DPP6: variants seen among roughly 807,000 people sequenced by gnomAD.
DPP6 encodes the protein dipeptidyl peptidase like 6, also known as A-type potassium channel modulatory protein DPP6.
DPP6 carries 69 observed loss-of-function variants against 122.6 expected under a neutral mutation model. The ratio of observed to expected loss-of-function variants is 0.56; its 90% CI spans 0.46 to 0.69. The LOEUF is 0.69. Ranked by LOEUF, DPP6 falls within the 30% of genes least tolerant of loss-of-function variation. The probability of loss-of-function intolerance (pLI) is 0.00; values close to 1 mark genes in which losing one functional copy is unlikely to be tolerated. For missense variants in DPP6, 928 were observed against 1,116.9 expected, an observed-to-expected ratio of 0.83 and a Z score of 2.41; for synonymous variants, 418 against 433.1, an observed-to-expected ratio of 0.97 and a Z score of 0.43.
At chr7:154,472,199 C>T (rs950514581) in intron 2 of DPP6, among the ~76,000 whole-genome samples, 6 of 152,280 alleles carry the variant, frequency 3.9e-5, no homozygotes, top group Middle Eastern at 3.4e-3. Flanking sequence ...GACTGTTAAG[C>T]AGAATTTTTA....
chr7:154,172,001 G>T (rs1300471907), intron 1 of DPP6, among the ~76,000 whole-genome samples: 1 of 152,170 alleles, frequency 6.6e-6, no homozygotes, highest in African/African-American at 2.4e-5. Context: ...ACACTGGGAT[G>T]CAGAGAGGTG....
chr7:154,237,274 C>CACAA (rs1391306872), intron 1 of DPP6, among the ~76,000 whole-genome samples: 2 of 152,166 alleles, frequency 1.3e-5, no homozygotes, highest in Non-Finnish European at 2.9e-5. Context: ...CAGGTGATGA[C>CACAA]ACAAACAAGT....
intron 3 of DPP6, among the ~76,000 whole-genome samples, chr7:154,494,705 G>A (rs374117669): frequency 1.1e-4 from 17 of 152,164 alleles, no homozygotes; most frequent in African/African-American, 3.1e-4. Context: ...GAGAAAAGAC[G>A]CTGAGTACTT....
chr7:154,256,426 A>T (rs1334590436), intron 1 of DPP6, among the ~76,000 whole-genome samples: 3 of 152,226 alleles, frequency 2.0e-5, no homozygotes, highest in Non-Finnish European at 4.4e-5. Flanking sequence ...GGACGCCGTC[A>T]CGGAAAACGA....
intron 1 of DPP6, among the ~76,000 whole-genome samples, chr7:154,326,831 A>AT (rs1480982059): frequency 1.3e-5 from 2 of 152,226 alleles, no homozygotes; most frequent in African/African-American, 4.8e-5. Context: ...GCCTGGAAGG[A>AT]ATTCCTGTTC....
intron 5 of DPP6, among the ~76,000 whole-genome samples, chr7:154,617,149 A>G (rs976647540): frequency 6.6e-6 from 1 of 152,214 alleles, no homozygotes; most frequent in Non-Finnish European, 1.5e-5. Context: ...CAAGCCTTGG[A>G]ATTCCTACAG....
rs1239710952 is a variant in DPP6 at position 154,892,693 on chromosome 7, C to T, written c.*213C>T. On this transcript the variant is annotated 3_prime_UTR_variant, in exon 26 of 26. Coordinates refer to ENST00000377770, the MANE Select transcript of DPP6 (RefSeq NM_130797.4). ...ACGGCCTCCATGGCACCAGGGACAACGCTGTCCCCGCAGCAGCGCCTCCTC... is the reference window on the plus strand; with the variant it reads ...ACGGCCTCCATGGCACCAGGGACAATGCTGTCCCCGCAGCAGCGCCTCCTC... 2 of 1,024,578 alleles carry T rather than the reference C, an allele frequency of 2.0e-6. No individual in the cohort carries two copies. Among genetic ancestry groups the T allele is most frequent in the African/African-American group, 1.6e-5 (1 of 63,810 alleles). 63.5% of individuals were successfully genotyped at this position (1,024,578 alleles called of 1,614,324 possible).
chr7:154,817,013 G>T (rs1799464327), intron 16 of DPP6, among the ~76,000 whole-genome samples: 1 of 152,200 alleles, frequency 6.6e-6, no homozygotes, highest in African/African-American at 2.4e-5. Context: ...TCCTTCTGCT[G>T]TGACCTTTCC....
chr7:154,851,233 A>G (rs1042863008), intron 16 of DPP6, among the ~76,000 whole-genome samples: 1 of 125,948 alleles, frequency 7.9e-6, no homozygotes, highest in Non-Finnish European at 1.7e-5. Flanking sequence ...ACTTAAAACT[A>G]TCTACACCTG....
intron 1 of DPP6, among the ~76,000 whole-genome samples, chr7:153,987,766 G>T (rs1266067649): frequency 1.3e-5 from 2 of 152,222 alleles, no homozygotes; most frequent in Non-Finnish European, 2.9e-5. Flanking sequence ...TTGATTTGTT[G>T]TCTGATTTAA....
chr7:154,258,083 C>T (rs1021851089), intron 1 of DPP6, among the ~76,000 whole-genome samples: 5 of 144,524 alleles, frequency 3.5e-5, no homozygotes, highest in East Asian at 2.1e-4. Flanking sequence ...TGGGGCAACA[C>T]GTGGAACTTA....
At chr7:154,609,770 C>T (rs1244760888) in intron 5 of DPP6, among the ~76,000 whole-genome samples, 1 of 152,142 alleles carries the variant, frequency 6.6e-6, no homozygotes, top group East Asian at 1.9e-4. Flanking sequence ...TACGACTTGC[C>T]CTTCCCAAGT....
chr7:154,124,266 G>A (rs1374551265), intron 1 of DPP6, among the ~76,000 whole-genome samples: 1 of 152,242 alleles, frequency 6.6e-6, no homozygotes, highest in Admixed American at 6.5e-5. Context: ...CTGTGACAGA[G>A]CTGGTAGTTA....
At chr7:154,634,614 C>T (rs111463406) in intron 5 of DPP6, among the ~76,000 whole-genome samples, 2,617 of 151,738 alleles carry the variant, frequency 0.017, 31 homozygotes, top group Middle Eastern at 0.048. Flanking sequence ...CAATTAAAAG[C>T]AGTTCTCTCC....
intron 1 of DPP6, among the ~76,000 whole-genome samples, chr7:154,438,604 C>CT (rs1400421381): frequency 6.6e-6 from 1 of 151,758 alleles, no homozygotes; most frequent in Admixed American, 6.6e-5. Flanking sequence ...AAATGGAAAG[C>CT]CAAGAGGAGC....
At chr7:154,785,150 A>T (rs1198197394) in intron 10 of DPP6, among the ~76,000 whole-genome samples, 1 of 152,146 alleles carries the variant, frequency 6.6e-6, no homozygotes, top group Non-Finnish European at 1.5e-5. Context: ...AGTTTTATTT[A>T]GTTTTAACTT....
intron 1 of DPP6, among the ~76,000 whole-genome samples, chr7:154,208,537 C>T (rs764007920): frequency 7.9e-5 from 12 of 152,174 alleles, no homozygotes; most frequent in African/African-American, 1.9e-4. Flanking sequence ...ATTAAGTAAG[C>T]GCTATGTACT....
chr7:154,240,498 C>G (rs896925403), intron 1 of DPP6, among the ~76,000 whole-genome samples: 14 of 152,212 alleles, frequency 9.2e-5, no homozygotes, highest in African/African-American at 3.1e-4. Context: ...TCTTCCATCC[C>G]ATGCCTCAGC....
chr7:153,988,728 A>G (rs1440442539), intron 1 of DPP6, among the ~76,000 whole-genome samples: 1 of 152,230 alleles, frequency 6.6e-6, no homozygotes, highest in Non-Finnish European at 1.5e-5. Context: ...CTCAGCGTGG[A>G]TAGGAAATCA....
Sources: allele counts gnomAD v4.1 joint callset (sites outside exome capture counted in the v4.1 genomes callset), GRCh38; gene constraint gnomAD v4.1.1; transcripts MANE v1.5; gene names NCBI Gene and HGNC (gene_info 2026-07-23, HGNC 2026-07-21).